ENTREP2: variants seen among roughly 807,000 people sequenced by gnomAD.
ENTREP2 encodes the protein protein ENTREP2.
chr15:29,253,085 GTCA>G, the ENTREP2 span, among the ~76,000 whole-genome samples: 1 of 152,246 alleles, frequency 6.6e-6, no homozygotes, highest in Non-Finnish European at 1.5e-5. Flanking sequence ...AGCCAAAATA[GTCA>G]TCATATCTAT....
At chr15:29,578,051 T>C in the ENTREP2 span, among the ~76,000 whole-genome samples, 1 of 152,158 alleles carries the variant, frequency 6.6e-6, no homozygotes, top group Non-Finnish European at 1.5e-5. Context: ...TGCCACAGAA[T>C]TGCACACTTA....
chr15:29,222,687 G>A, the ENTREP2 span, among the ~76,000 whole-genome samples: 6 of 152,084 alleles, frequency 3.9e-5, no homozygotes, highest in Non-Finnish European at 5.9e-5. Context: ...AGATGTTCAG[G>A]AGAGGTTCAG....
At chr15:29,376,710 G>C in the ENTREP2 span, 1 of 152,212 alleles carries the variant, frequency 6.6e-6, no homozygotes, top group African/African-American at 2.4e-5. Context: ...AGTCACTCCG[G>C]CAGGGACTGT....
the ENTREP2 span, among the ~76,000 whole-genome samples, chr15:29,479,665 A>G: frequency 5.9e-4 from 79 of 134,306 alleles, no homozygotes; most frequent in African/African-American, 2.3e-3. Flanking sequence ...TCACACACAC[A>G]TACACACACA....
the ENTREP2 span, among the ~76,000 whole-genome samples, chr15:29,349,565 C>G: frequency 6.6e-6 from 1 of 152,138 alleles, no homozygotes; most frequent in African/African-American, 2.4e-5. Flanking sequence ...TTTTGGTTTC[C>G]TACAGTATGG....
the ENTREP2 span, among the ~76,000 whole-genome samples, chr15:29,361,242 G>A: frequency 1.3e-5 from 2 of 152,140 alleles, no homozygotes; most frequent in Admixed American, 1.3e-4. Context: ...AAAAGAGCAT[G>A]CCCTCTGAAA....
the ENTREP2 span, among the ~76,000 whole-genome samples, chr15:29,585,619 G>C: frequency 2.0e-5 from 3 of 152,160 alleles, no homozygotes; most frequent in Non-Finnish European, 4.4e-5. Context: ...AACTTTGGGA[G>C]GCCGAGGCCG....
At chr15:29,483,512 A>G in the ENTREP2 span, among the ~76,000 whole-genome samples, 1 of 152,194 alleles carries the variant, frequency 6.6e-6, no homozygotes, top group Non-Finnish European at 1.5e-5. Flanking sequence ...ATTTTTGGGA[A>G]GAGTTTGCGT....
chr15:29,644,813 TAA>T, the ENTREP2 span, among the ~76,000 whole-genome samples: 5 of 61,226 alleles, frequency 8.2e-5, no homozygotes, highest in Non-Finnish European at 6.9e-5. Flanking sequence ...TCCATCTCCA[TAA>T]AAAAAAAAAA....
the ENTREP2 span, among the ~76,000 whole-genome samples, chr15:29,524,778 C>G: frequency 1.3e-5 from 2 of 152,122 alleles, no homozygotes; most frequent in Non-Finnish European, 2.9e-5. Context: ...TGGTGGACAG[C>G]GAGCGAAAGC....
chr15:29,314,385 A>C, the ENTREP2 span, among the ~76,000 whole-genome samples: 2 of 152,210 alleles, frequency 1.3e-5, no homozygotes, highest in Non-Finnish European at 2.9e-5. Context: ...AGAAATTGCC[A>C]CAGCCACCCC....
chr15:29,393,601 T>C, the ENTREP2 span, among the ~76,000 whole-genome samples: 1 of 152,196 alleles, frequency 6.6e-6, no homozygotes, highest in South Asian at 2.1e-4. Context: ...TTTTGCAGTG[T>C]ATAGTTGTTC....
the ENTREP2 span, chr15:29,234,240 C>T: frequency 1.9e-6 from 3 of 1,612,260 alleles, no homozygotes; most frequent in African/African-American, 2.7e-5. Flanking sequence ...CGTAACTCTT[C>T]TCTTCTCTCT....
the ENTREP2 span, among the ~76,000 whole-genome samples, chr15:29,345,761 G>A: frequency 6.6e-6 from 1 of 151,948 alleles, no homozygotes; most frequent in Non-Finnish European, 1.5e-5. Flanking sequence ...AACCCCAGCG[G>A]GGAGAGCTGT....
chr15:29,655,196 T>C, the ENTREP2 span, among the ~76,000 whole-genome samples: 1 of 152,196 alleles, frequency 6.6e-6, no homozygotes, highest in East Asian at 1.9e-4. Flanking sequence ...TTTTTCCATG[T>C]GCCCTTTCTC....
the ENTREP2 span, among the ~76,000 whole-genome samples, chr15:29,457,418 C>G: frequency 6.6e-6 from 1 of 152,246 alleles, no homozygotes; most frequent in Non-Finnish European, 1.5e-5. Flanking sequence ...CTCAGGAGAG[C>G]AACATCTTCT....
the ENTREP2 span, among the ~76,000 whole-genome samples, chr15:29,448,178 A>T: frequency 2.0e-5 from 3 of 152,186 alleles, no homozygotes; most frequent in African/African-American, 7.2e-5. Flanking sequence ...CCAGGTGAGC[A>T]TCTTGAAAAA....
the ENTREP2 span, among the ~76,000 whole-genome samples, chr15:29,192,060 A>G: frequency 6.6e-6 from 1 of 152,120 alleles, no homozygotes; most frequent in African/African-American, 2.4e-5. Context: ...GCTCTGGAAG[A>G]CCTCAAACCA....
chr15:29,570,895 C>T, the ENTREP2 span, among the ~76,000 whole-genome samples: 4 of 144,832 alleles, frequency 2.8e-5, no homozygotes, highest in African/African-American at 7.4e-5. Context: ...GGCGGGGAGC[C>T]GGGCGCCCGC....
Sources: allele counts gnomAD v4.1 joint callset (sites outside exome capture counted in the v4.1 genomes callset), GRCh38; gene constraint gnomAD v4.1.1; transcripts MANE v1.5; gene names NCBI Gene and HGNC (gene_info 2026-07-23, HGNC 2026-07-21).